Variants in CEP63 observed in about 807,000 individuals in gnomAD.
CEP63 encodes the protein centrosomal protein 63, also known as centrosomal protein of 63 kDa.
In CEP63, 84 loss-of-function variants were observed where a neutral mutation model predicts 89.1. The observed-to-expected ratio is 0.94, with a 90% CI of 0.79 to 1.13. The LOEUF is 1.13. Among genes scored for constraint, CEP63 ranks in the 50% most tolerant of loss-of-function variants. CEP63 has a pLI of 0.00. For synonymous variants in CEP63, 267 were observed against 272.5 expected, an observed-to-expected ratio of 0.98 and a Z score of 0.20; for missense variants, 838 against 813.3, an observed-to-expected ratio of 1.03 and a Z score of -0.37.
the CEP63 span, among the ~76,000 whole-genome samples, chr3:134,723,374 G>A: frequency 6.6e-6 from 1 of 152,152 alleles, no homozygotes; most frequent in South Asian, 2.1e-4. Flanking sequence ...ATCACCCTGA[G>A]AAGAACATAC....
At chr3:134,680,124 G>A in the CEP63 span, among the ~76,000 whole-genome samples, 726 of 152,312 alleles carry the variant, frequency 4.8e-3, 1 homozygote, top group African/African-American at 0.016. Flanking sequence ...CCATGTGCAA[G>A]CCAAGGCGAG....
At chr3:134,678,009 C>G in the CEP63 span, among the ~76,000 whole-genome samples, 2 of 151,958 alleles carry the variant, frequency 1.3e-5, no homozygotes, top group Non-Finnish European at 2.9e-5. Context: ...TTTTAAAACA[C>G]AAATCTCAGT....
At chr3:134,590,362 C>T (rs1958576006), downstream of CEP63, among the ~76,000 whole-genome samples, 1 of 152,058 alleles carries the variant, frequency 6.6e-6, no homozygotes, top group Non-Finnish European at 1.5e-5. Context: ...GATACTAGGT[C>T]AATGCATGAC....
At chr3:134,493,218 T>C (rs1008787003) in intron 1 of CEP63, among the ~76,000 whole-genome samples, 6 of 152,162 alleles carry the variant, frequency 3.9e-5, no homozygotes, top group African/African-American at 1.4e-4. Context: ...GACATTTAAT[T>C]GGCTGTTAGA....
the CEP63 span, among the ~76,000 whole-genome samples, chr3:134,614,536 A>G: frequency 2.0e-5 from 3 of 152,032 alleles, no homozygotes; most frequent in South Asian, 6.2e-4. Context: ...AAAGGACCAC[A>G]TGGCCACCAA....
the CEP63 span, among the ~76,000 whole-genome samples, chr3:134,662,489 T>C: frequency 6.6e-5 from 10 of 152,150 alleles, no homozygotes; most frequent in Non-Finnish European, 1.3e-4. Flanking sequence ...AGAAAAAATA[T>C]GTATTGGATG....
At chr3:134,632,090 C>G in the CEP63 span, among the ~76,000 whole-genome samples, 1 of 151,918 alleles carries the variant, frequency 6.6e-6, no homozygotes, top group Non-Finnish European at 1.5e-5. Flanking sequence ...AGGCATACGT[C>G]AAACAACAAA....
At chr3:134,506,918 CA>C (rs1229943667) in intron 2 of CEP63, among the ~76,000 whole-genome samples, 190 bp from the exon 3 acceptor site, 641 of 24,300 alleles carry the variant, frequency 0.026, 1 homozygote, top group African/African-American at 0.071. Context: ...AACTCCATCT[CA>C]AAAAAAAAAA....
At chr3:134,621,671 A>G in the CEP63 span, among the ~76,000 whole-genome samples, 4 of 152,236 alleles carry the variant, frequency 2.6e-5, no homozygotes, top group Non-Finnish European at 5.9e-5. Context: ...GAATTCTTAG[A>G]TATGGCACCA....
chr3:134,760,483 T>A, the CEP63 span, among the ~76,000 whole-genome samples: 3 of 152,206 alleles, frequency 2.0e-5, no homozygotes, highest in Non-Finnish European at 4.4e-5. Flanking sequence ...AGCACTATCA[T>A]CCCTGTTAAA....
the CEP63 span, among the ~76,000 whole-genome samples, chr3:134,731,778 A>G: frequency 6.6e-6 from 1 of 152,232 alleles, no homozygotes; most frequent in East Asian, 1.9e-4. Context: ...TCTGTAGGGT[A>G]AAGTGTAAAG....
chr3:134,612,512 A>G, the CEP63 span, among the ~76,000 whole-genome samples: 1 of 152,150 alleles, frequency 6.6e-6, no homozygotes, highest in African/African-American at 2.4e-5. Flanking sequence ...GGATGTGTTT[A>G]TAGTCTGAGA....
At chr3:134,749,042 A>T in the CEP63 span, among the ~76,000 whole-genome samples, 1 of 152,088 alleles carries the variant, frequency 6.6e-6, no homozygotes, top group South Asian at 2.1e-4. Flanking sequence ...AGGGAGGAGG[A>T]CTCAGGACTC....
At chr3:134,581,936 A>C (rs1351774849) in intron 10 of CEP63, among the ~76,000 whole-genome samples, 1 of 151,898 alleles carries the variant, frequency 6.6e-6, no homozygotes, top group African/African-American at 2.4e-5. Context: ...CGGCCTCCCA[A>C]AGTGCTGGGA....
At chr3:134,614,872 A>C in the CEP63 span, among the ~76,000 whole-genome samples, 1 of 152,146 alleles carries the variant, frequency 6.6e-6, no homozygotes, top group South Asian at 2.1e-4. Flanking sequence ...CTCTGACCGC[A>C]GTAGACTTTC....
At position 134,543,355 on chromosome 3, in the gene CEP63, G is replaced by T. The variant is rs532089194; in HGVS notation, c.556-2231G>T. Among the ~76,000 whole-genome samples, 295 of 152,194 alleles carry T rather than the reference G, an allele frequency of 1.9e-3. 5 individuals are homozygous for T. Among genetic ancestry groups the T allele is most frequent in the African/African-American group, 6.8e-3 (283 of 41,496 alleles). On this transcript the variant is annotated intron_variant, in intron 6 of 14. Coordinates refer to ENST00000675561, the MANE Select transcript of CEP63 (RefSeq NM_001353108.3). Reference sequence around the variant, plus strand: ...ACTGCAATGGTATTGCAGCCCTAGTGCATTCTAGGCAATGAAAATTTAGAA... The same window carrying T: ...ACTGCAATGGTATTGCAGCCCTAGTTCATTCTAGGCAATGAAAATTTAGAA...
chr3:134,689,399 G>A, the CEP63 span, among the ~76,000 whole-genome samples: 3 of 152,036 alleles, frequency 2.0e-5, no homozygotes, highest in Admixed American at 6.6e-5. Context: ...TCCAAAAACA[G>A]AGCTTCACAA....
In CEP63 at chr3:134,545,909, A is replaced by G. The variant is rs969773632; in HGVS notation, c.789+90A>G. 10 of 1,002,150 alleles carry G rather than the reference A, an allele frequency of 1.0e-5. No individual in the cohort carries two copies. In the African/African-American group the frequency reaches 1.1e-4, roughly 11 times the overall value. 62.1% of individuals were successfully genotyped at this position (1,002,150 alleles called of 1,614,324 possible). A position where few individuals can be genotyped will look rare whatever the true frequency, so the allele number is the denominator to read the frequency against. On this transcript the variant is annotated intron_variant, in intron 7 of 14. Transcript: ENST00000675561. Reference sequence around the variant, plus strand: ...AAGCTAGAACTAGGTTCTACAATCCATACTTTCTTCCCTACTTTATAAATG... The same window carrying G: ...AAGCTAGAACTAGGTTCTACAATCCGTACTTTCTTCCCTACTTTATAAATG...
rs115859859 is a variant in CEP63, at chr3:134,564,106, T to C, written c.*2571T>C. 6.7e-3 allele frequency: 1,307 copies of C among 193,924 alleles called. 23 individuals are homozygous for C. Among genetic ancestry groups the C allele is most frequent in the African/African-American group, 0.029 (1,234 of 42,292 alleles). 12.0% of individuals were successfully genotyped at this position (193,924 alleles called of 1,614,324 possible). A position where few individuals can be genotyped will look rare whatever the true frequency, so the allele number is the denominator to read the frequency against. The stretch of plus-strand genomic sequence containing the variant: ...TCTGAAATCATTTCATTACTTGATT[T>C]ATGTTTGTACTGTCTATTTCTGTCT... On this transcript the variant is annotated 3_prime_UTR_variant, in exon 15 of 15. Transcript: ENST00000675561.
Sources: allele counts gnomAD v4.1 joint callset (sites outside exome capture counted in the v4.1 genomes callset), GRCh38; gene constraint gnomAD v4.1.1; transcripts MANE v1.5; gene names NCBI Gene and HGNC (gene_info 2026-07-23, HGNC 2026-07-21).